SH3BP5: variants seen among roughly 807,000 people sequenced by gnomAD.
SH3BP5 encodes SH3 domain-binding protein 5.
SH3BP5 carries 22 observed loss-of-function variants against 43.3 expected under a neutral mutation model. The ratio of observed to expected loss-of-function variants is 0.51; its 90% CI spans 0.36 to 0.73. The LOEUF (loss-of-function observed/expected upper bound fraction) is 0.73, where lower values mean the gene tolerates loss of function less well. SH3BP5 is among the 30% of genes least tolerant of loss of function. The pLI is 0.00. For missense variants in SH3BP5, 529 were observed against 586.9 expected, an observed-to-expected ratio of 0.90 and a Z score of 1.02; for synonymous variants, 255 against 225.8, an observed-to-expected ratio of 1.13 and a Z score of -1.16.
At chr3:15,280,332 AG>A (rs1697087818) in intron 3 of SH3BP5, among the ~76,000 whole-genome samples, 1 of 152,096 alleles carries the variant, frequency 6.6e-6, no homozygotes, top group Admixed American at 6.5e-5. Context: ...TCGACTGGCC[AG>A]GTGCAAGGCA....
At chr3:15,311,950 G>A (rs1350193074) in intron 2 of SH3BP5, among the ~76,000 whole-genome samples, 7 of 152,118 alleles carry the variant, frequency 4.6e-5, no homozygotes, top group Admixed American at 6.5e-5. Context: ...GATTACAGGC[G>A]TGAGCCACTG....
chr3:15,267,943 A>C (rs1413166702), intron 4 of SH3BP5, among the ~76,000 whole-genome samples: 1 of 152,218 alleles, frequency 6.6e-6, no homozygotes, highest in Non-Finnish European at 1.5e-5. Context: ...CAAAAAGGAA[A>C]AGTGGCCCTT....
chr3:15,309,328 T>G (rs1441303351), intron 2 of SH3BP5, among the ~76,000 whole-genome samples: 1 of 152,062 alleles, frequency 6.6e-6, no homozygotes, highest in Non-Finnish European at 1.5e-5. Flanking sequence ...GTTTTTTGGG[T>G]TTTTGTTTTC....
chr3:15,256,955 G>A lies in SH3BP5; in HGVS notation c.1048C>T (p.Pro350Ser), dbSNP rs1300270569. Residue 350 changes from proline (P) to serine (S), a missense_variant, in exon 8 of 9, where the codon CCC (proline) becomes TCC (serine). Pro to Ser is a moderately conservative substitution (Grantham distance 74, BLOSUM62 -1). Coordinates refer to ENST00000383791, the MANE Select transcript of SH3BP5 (RefSeq NM_004844.5). Reference sequence around the variant, plus strand: ...AACTCTGACAGGGACACAGGGCTGGGCAGATCCAGGCTGCCAGGCCTCACA... The same window carrying A: ...AACTCTGACAGGGACACAGGGCTGGACAGATCCAGGCTGCCAGGCCTCACA... ...AVVRPGSLDL[P>S]SPVSLSEFGM... 3 of 1,614,214 alleles carry A rather than the reference G, an allele frequency of 1.9e-6. No homozygotes were observed. The highest frequency in any genetic ancestry group is 1.3e-5 in the African/African-American group (1 of 75,054).
chr3:15,331,351 T>C (rs755427895), intron 1 of SH3BP5, among the ~76,000 whole-genome samples: 39 of 152,218 alleles, frequency 2.6e-4, no homozygotes, highest in Non-Finnish European at 5.0e-4. Flanking sequence ...AGTGAGCTTT[T>C]AAATTGATCT....
rs561352409 is a variant in SH3BP5, at chr3:15,257,091, A to G, written c.912T>C (p.Asp304=). Residue 304 remains aspartate, a synonymous_variant, in exon 8 of 9, where the codon GAT becomes GAC. Transcript: ENST00000383791. ...AISVASEAFE[D]DSCSNFVSED... is the part of the protein sequence containing the mutation. ...CAGACACAAAGTTGCTACAGCTGTC[A>G]TCTTCAAAGGCCTCCGAGGCCACTA... 4.3e-6 allele frequency: 7 copies of G among 1,614,168 alleles called. 1 individual carries two copies. Among genetic ancestry groups the G allele is most frequent in the South Asian group, 3.3e-5 (3 of 91,084 alleles).
At chr3:15,290,417 T>G (rs1465718958) in intron 3 of SH3BP5, among the ~76,000 whole-genome samples, 1 of 151,512 alleles carries the variant, frequency 6.6e-6, no homozygotes, top group Non-Finnish European at 1.5e-5. Context: ...TCCCAGCTAC[T>G]TGGGAGGCTG....
chr3:15,263,171 AT>A (rs1194692357), intron 4 of SH3BP5, among the ~76,000 whole-genome samples: 4 of 152,142 alleles, frequency 2.6e-5, no homozygotes, highest in African/African-American at 9.7e-5. Flanking sequence ...ATTTTGAACT[AT>A]TTTCTGATTC....
At chr3:15,289,416 G>A (rs1228372053) in intron 3 of SH3BP5, among the ~76,000 whole-genome samples, 1 of 152,124 alleles carries the variant, frequency 6.6e-6, no homozygotes, top group Non-Finnish European at 1.5e-5. Context: ...GGAGTTCCTG[G>A]AGCCATCTTC....
intron 3 of SH3BP5, among the ~76,000 whole-genome samples, chr3:15,285,312 A>C (rs1014097557): frequency 3.3e-5 from 5 of 152,154 alleles, no homozygotes; most frequent in African/African-American, 9.7e-5. Flanking sequence ...GTGATGTAAA[A>C]GCTCACCTGA....
intron 2 of SH3BP5, among the ~76,000 whole-genome samples, chr3:15,324,258 G>T (rs1327121531): frequency 6.6e-6 from 1 of 152,100 alleles, no homozygotes; most frequent in Non-Finnish European, 1.5e-5. Context: ...CAACTCTGAT[G>T]CCCCCTATTT....
intron 2 of SH3BP5, among the ~76,000 whole-genome samples, chr3:15,321,554 C>T (rs1575348608): frequency 6.6e-6 from 1 of 151,666 alleles, no homozygotes; most frequent in African/African-American, 2.4e-5. Context: ...TCCCCACCCC[C>T]ATCCCATGAA....
At chr3:15,330,742 G>A in intron 1 of SH3BP5, 176 bp from the exon 2 acceptor site, 1 of 985,302 alleles carries the variant, frequency 1.0e-6, no homozygotes, top group Non-Finnish European at 1.2e-6. Context: ...ATGAATGTCG[G>A]CATTTCTGAA....
In SH3BP5 at chr3:15,259,014, G is replaced by T. The variant is rs1475165497; in HGVS notation, c.706C>A (p.Leu236Met). 6.2e-7 allele frequency: 1 copy of T among 1,614,122 alleles called. No individual in the cohort carries two copies. Among genetic ancestry groups the T allele is most frequent in the Non-Finnish European group, 8.5e-7 (1 of 1,180,052 alleles). Residue 236 changes from leucine (L) to methionine (M), a missense_variant, in exon 7 of 9, where the codon CTG becomes ATG. Physicochemically the swap from Leu to Met is conservative, Grantham distance 15. This residue lies in a region of SH3BP5 where 369 missense variants were observed against 384.3 expected (regional missense o/e 0.96). Coordinates refer to ENST00000383791, the MANE Select transcript of SH3BP5 (RefSeq NM_004844.5). Reference sequence around the variant, plus strand: ...TTGTACTCGCCTTTTGCCAGGGTCAGTTTGGCCTGCAGGTCATCCACAGTC... The same window carrying T: ...TTGTACTCGCCTTTTGCCAGGGTCATTTTGGCCTGCAGGTCATCCACAGTC... Reference protein sequence around the residue: ...KKTVDDLQAKLTLAKGEYKMA... With the variant: ...KKTVDDLQAKMTLAKGEYKMA...
intron 4 of SH3BP5, among the ~76,000 whole-genome samples, chr3:15,267,649 A>G (rs982329270): frequency 7.9e-5 from 12 of 152,144 alleles, no homozygotes; most frequent in African/African-American, 2.9e-4. Flanking sequence ...CCTCAGGAGT[A>G]CAGGGCCATC....
chr3:15,265,512 T>TCACACA (rs368955496), intron 4 of SH3BP5, among the ~76,000 whole-genome samples: 6,442 of 107,868 alleles, frequency 0.06, 312 homozygotes, highest in Admixed American at 0.068. Context: ...CGAGACTCCG[T>TCACACA]CACACACACA....
At chr3:15,280,269 T>C (rs552751475) in intron 3 of SH3BP5, among the ~76,000 whole-genome samples, 1 of 152,056 alleles carries the variant, frequency 6.6e-6, no homozygotes, top group South Asian at 2.1e-4. Flanking sequence ...TTCCTCCTCA[T>C]CCTCCTCCCG....
At position 15,304,814 on chromosome 3, in the gene SH3BP5, C is replaced by CAA. The variant is rs11358968; in HGVS notation, c.202-585_202-584dup. ...TGGGTGACAGAGCACGACTCTGTCT[C>CAA]AAAAAAAAAAAAAAAAAAAGCTTAG... is the stretch of plus-strand genomic sequence containing the variant. On this transcript the variant is annotated intron_variant, in intron 2 of 8. Transcript: ENST00000383791. 9.8e-3 allele frequency among the ~76,000 whole-genome samples: 784 copies of CAA among 80,078 alleles called. 17 individuals carry two copies. Among genetic ancestry groups the CAA allele is most frequent in the African/African-American group, 0.033 (695 of 21,130 alleles). The allele number at this position is 80,078 out of a possible 152,430, so 52.5% of individuals were successfully genotyped here. A position where few individuals can be genotyped will look rare whatever the true frequency, so the allele number is the denominator to read the frequency against.
intron 3 of SH3BP5, among the ~76,000 whole-genome samples, chr3:15,271,273 G>C (rs1417301850): frequency 6.6e-6 from 1 of 152,062 alleles, no homozygotes. Context: ...CACTCCTTGG[G>C]AGCTTGAGGC....
Sources: gnomAD v4.1 joint callset for allele counts (sites outside exome capture counted in the v4.1 genomes callset) on GRCh38, gnomAD v4.1.1 for gene constraint, gnomAD v4.1.1 regional missense constraint, MANE v1.5 for transcripts, NCBI Gene and HGNC (gene_info 2026-07-23, HGNC 2026-07-21) for gene names.